Variants in FRA10AC1 observed in about 807,000 individuals in gnomAD.
FRA10AC1 encodes the protein FRA10A associated CGG repeat 1, also known as protein FRA10AC1.
FRA10AC1 carries 43 observed loss-of-function variants against 56.5 expected under a neutral mutation model. The observed-to-expected ratio is 0.76, with a 90% CI of 0.60 to 0.98. FRA10AC1 has a LOEUF of 0.98. Ranked by LOEUF, FRA10AC1 falls within the 50% of genes least tolerant of loss-of-function variation. The pLI is 0.00. For synonymous variants in FRA10AC1, 112 were observed against 110.5 expected, an observed-to-expected ratio of 1.01 and a Z score of -0.09; for missense variants, 346 against 351.8, an observed-to-expected ratio of 0.98 and a Z score of 0.13.
chr10:93,689,175 G>A (rs1410177574), intron 7 of FRA10AC1, among the ~76,000 whole-genome samples: 1 of 150,748 alleles, frequency 6.6e-6, no homozygotes, highest in South Asian at 2.1e-4. Flanking sequence ...GCCTAGGCTG[G>A]TTTTGAACTC....
intron 2 of FRA10AC1, among the ~76,000 whole-genome samples, chr10:93,699,617 T>C (rs2059295581): frequency 6.6e-6 from 1 of 152,234 alleles, no homozygotes; most frequent in South Asian, 2.1e-4. Context: ...GCGTAAGAAC[T>C]GTGCTGCATT....
At chr10:93,701,936 T>C (rs2133951301) in intron 1 of FRA10AC1, among the ~76,000 whole-genome samples, 1 of 152,252 alleles carries the variant, frequency 6.6e-6, no homozygotes, top group South Asian at 2.1e-4. Flanking sequence ...AAGAGGCTAG[T>C]AAGATGGCTG....
intron 6 of FRA10AC1, 31 bp from the exon 7 acceptor site, chr10:93,692,124 T>G: frequency 7.1e-7 from 1 of 1,408,678 alleles, no homozygotes; most frequent in Non-Finnish European, 9.4e-7. Context: ...ATATTATACA[T>G]TTAGAAACTC....
At chr10:93,698,255 G>A (rs373947112) in intron 3 of FRA10AC1, 46 bp downstream of exon 3, 37 of 1,513,708 alleles carry the variant, frequency 2.4e-5, no homozygotes, top group Non-Finnish European at 2.7e-5. Context: ...CCCCTAATCC[G>A]AAGCAACTTA....
rs200966941 is a variant in FRA10AC1 at position 93,685,213 on chromosome 10, G to A, written c.625+33C>T. On this transcript the variant is annotated intron_variant, in intron 9 of 13. Coordinates refer to ENST00000359204, the MANE Select transcript of FRA10AC1 (RefSeq NM_145246.5). The stretch of plus-strand genomic sequence containing the variant: ...TTTTAAATTAAAGACAAACTTGGAA[G>A]AATCAATCATATACCCCCTAAAATC... 2.2e-5 allele frequency: 20 copies of A among 899,916 alleles called. 1 individual carries two copies. The highest frequency in any genetic ancestry group is 2.0e-4 in the Admixed American group (9 of 44,986). 55.7% of individuals were successfully genotyped at this position (899,916 alleles called of 1,614,324 possible).
chr10:93,702,683 GGGCAGCGGGAGAAAC>G, upstream of FRA10AC1: 1 of 229,958 alleles, frequency 4.3e-6, no homozygotes, highest in Non-Finnish European at 8.8e-6. Flanking sequence ...CGGGAAACAA[GGGCAGCGGGAGAAAC>G]GGCCCGGAAA....
At position 93,668,735 on chromosome 10, in the gene FRA10AC1, C is replaced by T. The variant is rs1357689760; in HGVS notation, c.*1091G>A. On this transcript the variant is annotated 3_prime_UTR_variant, in exon 14 of 14. Coordinates refer to ENST00000359204, the MANE Select transcript of FRA10AC1 (RefSeq NM_145246.5). ...GATAAAACCATCAGATCTTGTGAGA[C>T]TTATTCACTACCACAAGAACAATAT... 4 of 152,234 alleles carry T rather than the reference C, an allele frequency of 2.6e-5. No individual in the cohort carries two copies. The highest frequency in any genetic ancestry group is 6.5e-5 in the Admixed American group (1 of 15,274). 9.4% of individuals were successfully genotyped at this position (152,234 alleles called of 1,614,324 possible).
At chr10:93,682,796 C>G (rs1205936334) in intron 10 of FRA10AC1, among the ~76,000 whole-genome samples, 1 of 151,846 alleles carries the variant, frequency 6.6e-6, no homozygotes, top group Non-Finnish European at 1.5e-5. Flanking sequence ...CAGAGTGAGA[C>G]CTTGTCTCAA....
At chr10:93,691,342 AT>A (rs1288544299) in intron 7 of FRA10AC1, among the ~76,000 whole-genome samples, 1 of 151,904 alleles carries the variant, frequency 6.6e-6, no homozygotes, top group Non-Finnish European at 1.5e-5. Flanking sequence ...CACCTGGCTA[AT>A]TTTTTTTAGT....
At chr10:93,680,499 C>T (rs1358575444) in intron 11 of FRA10AC1, among the ~76,000 whole-genome samples, 2 of 152,110 alleles carry the variant, frequency 1.3e-5, no homozygotes, top group African/African-American at 4.8e-5. Flanking sequence ...CACAAGGGCA[C>T]ACAGATTTAA....
At chr10:93,686,134 G>A (rs1257446808) in intron 8 of FRA10AC1, among the ~76,000 whole-genome samples, 1 of 151,696 alleles carries the variant, frequency 6.6e-6, no homozygotes, top group Admixed American at 6.6e-5. Context: ...ACTAACAGAA[G>A]CAAATCTGTA....
chr10:93,667,890 A>C lies in FRA10AC1; in HGVS notation c.*1936T>G, dbSNP rs2058706036. On this transcript the variant is annotated 3_prime_UTR_variant, in exon 14 of 14. Transcript: ENST00000359204. Reference sequence around the variant, plus strand: ...TTTACACACTACAAGTAGTGAGGTGAAAAAAAACAATTTATTCAAGAAGTG... The same window carrying C: ...TTTACACACTACAAGTAGTGAGGTGCAAAAAAACAATTTATTCAAGAAGTG... 1 of 151,964 alleles carries C rather than the reference A, an allele frequency of 6.6e-6. No individual in the cohort carries two copies. The highest frequency in any genetic ancestry group is 2.4e-5 in the African/African-American group (1 of 41,352). The allele number at this position is 151,964 out of a possible 1,614,324, so 9.4% of individuals were successfully genotyped here.
intron 1 of FRA10AC1, among the ~76,000 whole-genome samples, 153 bp downstream of exon 1, chr10:93,702,222 G>C (rs1368186896): frequency 1.3e-5 from 2 of 148,788 alleles, no homozygotes; most frequent in African/African-American, 2.5e-5. Context: ...CTCAAAAACG[G>C]AGATGCCAGG....
At chr10:93,672,125 A>T in intron 12 of FRA10AC1, 1 of 431,094 alleles carries the variant, frequency 2.3e-6, no homozygotes, top group Non-Finnish European at 4.5e-6. Context: ...GCCTGTCAAT[A>T]CAGAATGTCC....
chr10:93,687,432 T>C lies in FRA10AC1; in HGVS notation c.483A>G (p.Arg161=), dbSNP rs2059050462. The change falls in exon 8 of 14, where the codon CGA becomes CGG. Residue 161 remains arginine (R), a synonymous_variant. Coordinates refer to ENST00000359204, the MANE Select transcript of FRA10AC1 (RefSeq NM_145246.5). ...YKENKFGFRW[R]VEKEVISGKG... is the part of the protein sequence containing the mutation. ...TTCCTGAAATTACTTCTTTTTCTAC[T>C]CGCCACCTAAATCCAAACTGATAAT... The C allele has an allele frequency of 1.3e-6, 2 of 1,519,222 alleles. No individual in the cohort carries two copies. Among genetic ancestry groups the C allele is most frequent in the African/African-American group, 1.4e-5 (1 of 71,506 alleles). 94.1% of individuals were successfully genotyped at this position (1,519,222 alleles called of 1,614,324 possible).
chr10:93,694,806 CT>C, intron 5 of FRA10AC1, 54 bp downstream of exon 5: 1 of 835,210 alleles, frequency 1.2e-6, no homozygotes, highest in South Asian at 1.4e-5. Context: ...AGCTGTGGGT[CT>C]TTAAAGTTTC....
chr10:93,677,237 TA>T lies in FRA10AC1; in HGVS notation c.788-547del, dbSNP rs1052216598. Among the ~76,000 whole-genome samples the T allele has an allele frequency of 5.3e-4, 79 of 149,778 alleles. No homozygotes were observed. In the South Asian group the frequency reaches 0.015, roughly 28 times the overall value. Reference sequence around the variant, plus strand: ...GCACTGAAGATCGGTCAGTGTAATTTAAAAAAAAAATCACCACGATACAGAG... The same window carrying T: ...GCACTGAAGATCGGTCAGTGTAATTTAAAAAAAAATCACCACGATACAGAG... On this transcript the variant is annotated intron_variant, in intron 11 of 13. Transcript: ENST00000359204.
intron 13 of FRA10AC1, among the ~76,000 whole-genome samples, chr10:93,670,320 G>GT (rs944255681): frequency 6.6e-6 from 1 of 152,048 alleles, no homozygotes; most frequent in African/African-American, 2.4e-5. Flanking sequence ...TTAGGCTGTA[G>GT]TTTTTTTACT....
chr10:93,679,649 A>G (rs2058899881), intron 11 of FRA10AC1, among the ~76,000 whole-genome samples: 1 of 152,178 alleles, frequency 6.6e-6, no homozygotes, highest in Non-Finnish European at 1.5e-5. Flanking sequence ...TATAGTACAC[A>G]AGTTCTGGAT....
Sources: gnomAD v4.1 joint callset for allele counts (sites outside exome capture counted in the v4.1 genomes callset) on GRCh38, gnomAD v4.1.1 for gene constraint, MANE v1.5 for transcripts, NCBI Gene and HGNC (gene_info 2026-07-23, HGNC 2026-07-21) for gene names.